Variants in KBTBD12 observed in about 807,000 individuals in gnomAD.
KBTBD12 encodes kelch repeat and BTB domain containing 12, also known as kelch repeat and BTB domain-containing protein 12.
KBTBD12 carries 53 observed loss-of-function variants against 58.7 expected under a neutral mutation model. The observed-to-expected ratio is 0.90, with a 90% CI of 0.72 to 1.14. The LOEUF is 1.14. KBTBD12 is among the 50% of genes most tolerant of loss of function. The pLI, the probability that KBTBD12 is intolerant of heterozygous loss-of-function variation, is 0.00. For synonymous variants in KBTBD12, 236 were observed against 259.8 expected (o/e 0.91, Z 0.88); for missense variants, 704 against 751.3 (o/e 0.94, Z 0.74).
At chr3:127,974,917 A>G (rs1358206655) in intron 5 of KBTBD12, among the ~76,000 whole-genome samples, 1 of 152,110 alleles carries the variant, frequency 6.6e-6, no homozygotes, top group Non-Finnish European at 1.5e-5. Flanking sequence ...AGCTTGCAGT[A>G]ATCCAAGATC....
At chr3:127,957,699 A>T (rs1940346833) in intron 4 of KBTBD12, among the ~76,000 whole-genome samples, 3 of 152,130 alleles carry the variant, frequency 2.0e-5, no homozygotes, top group Admixed American at 2.0e-4. Flanking sequence ...ATGAGTAAGG[A>T]GCTGACCCAC....
At chr3:127,950,612 T>C (rs1403850555) in intron 4 of KBTBD12, among the ~76,000 whole-genome samples, 1 of 152,088 alleles carries the variant, frequency 6.6e-6, no homozygotes, top group Non-Finnish European at 1.5e-5. Context: ...GACCCAGCGA[T>C]GAAAGATGCG....
intron 4 of KBTBD12, among the ~76,000 whole-genome samples, chr3:127,957,096 ATCTT>A (rs1362597283): frequency 6.6e-6 from 1 of 152,200 alleles, no homozygotes; most frequent in Non-Finnish European, 1.5e-5. Flanking sequence ...AATATGTACT[ATCTT>A]TCTTCCTTTA....
At chr3:127,961,950 CA>C (rs1305449128) in intron 4 of KBTBD12, among the ~76,000 whole-genome samples, 1 of 152,198 alleles carries the variant, frequency 6.6e-6, no homozygotes, top group Non-Finnish European at 1.5e-5. Flanking sequence ...GCCATGAGAT[CA>C]AAGCAGAGTT....
At chr3:127,931,882 A>G (rs745738334) in intron 4 of KBTBD12, among the ~76,000 whole-genome samples, 40 of 152,116 alleles carry the variant, frequency 2.6e-4, no homozygotes, top group Non-Finnish European at 4.7e-4. Context: ...AGTAGAGGAT[A>G]AAAGAAGGTA....
In KBTBD12 at chr3:127,984,495, G is replaced by A; in HGVS notation, c.*217G>A. 5 of 456,936 alleles carry A rather than the reference G, an allele frequency of 1.1e-5. No individual in the cohort carries two copies. In the South Asian group the frequency reaches 1.5e-4, roughly 14 times the overall value. The allele number at this position is 456,936 out of a possible 1,614,324, so 28.3% of individuals were successfully genotyped here. ...GGTAAATAAGACACTACAAAGAAGAGGTGATGACGGCCACAGGAGGGGCAC... is the reference window on the plus strand; with the variant it reads ...GGTAAATAAGACACTACAAAGAAGAAGTGATGACGGCCACAGGAGGGGCAC... On this transcript the variant is annotated 3_prime_UTR_variant, in exon 6 of 6. Transcript: ENST00000405109.
At chr3:127,930,895 CT>C (rs1939686313) in intron 4 of KBTBD12, among the ~76,000 whole-genome samples, 1 of 152,148 alleles carries the variant, frequency 6.6e-6, no homozygotes, top group Non-Finnish European at 1.5e-5. Context: ...TATGTATCCC[CT>C]ATCCTTCTCC....
At position 127,923,089 on chromosome 3, in the gene KBTBD12, A is replaced by G; in HGVS notation, c.28A>G (p.Lys10Glu). 1.9e-6 allele frequency: 3 copies of G among 1,609,726 alleles called. No individual in the cohort carries two copies. The highest frequency in any genetic ancestry group is 2.6e-6 in the Non-Finnish European group (3 of 1,176,396). Residue 10 changes from lysine (K) to glutamate (E), a missense_variant, in exon 2 of 6, where the codon AAA becomes GAA. Coordinates refer to ENST00000405109, the MANE Select transcript of KBTBD12 (RefSeq NM_207335.4). MECKIEGKE[K>E]YQHSLNLLNK... is the part of the protein sequence containing the mutation. ...GGAGTGCAAGATTGAGGGAAAAGAA[A>G]AATACCAACATAGCTTGAATTTACT...
intron 4 of KBTBD12, among the ~76,000 whole-genome samples, chr3:127,943,111 A>G (rs1178306894): frequency 6.6e-6 from 1 of 152,164 alleles, no homozygotes; most frequent in Non-Finnish European, 1.5e-5. Context: ...CACATTGGGG[A>G]TCAAATTTCA....
chr3:127,984,552 T>C lies in KBTBD12; in HGVS notation c.*274T>C. The C allele has an allele frequency of 3.1e-6, 1 of 322,486 alleles. No homozygotes were observed. Among genetic ancestry groups the C allele is most frequent in the Non-Finnish European group, 5.8e-6 (1 of 172,506 alleles). The allele number at this position is 322,486 out of a possible 1,614,324, so 20.0% of individuals were successfully genotyped here. Reference sequence around the variant, plus strand: ...ACAGGAGAGCAGCAGAGGGAGGGTCTCACTCTGCTGGGGACCCATGAACAG... The same window carrying C: ...ACAGGAGAGCAGCAGAGGGAGGGTCCCACTCTGCTGGGGACCCATGAACAG... On this transcript the variant is annotated 3_prime_UTR_variant, in exon 6 of 6. Coordinates refer to ENST00000405109, the MANE Select transcript of KBTBD12 (RefSeq NM_207335.4).
intron 1 of KBTBD12, among the ~76,000 whole-genome samples, chr3:127,915,924 C>T (rs1283034078): frequency 2.0e-5 from 3 of 152,236 alleles, no homozygotes; most frequent in African/African-American, 7.2e-5. Context: ...GGGGCACTTC[C>T]CTGTTCCTGG....
At chr3:127,954,592 C>T (rs142243380) in intron 4 of KBTBD12, among the ~76,000 whole-genome samples, 14 of 152,210 alleles carry the variant, frequency 9.2e-5, no homozygotes, top group Non-Finnish European at 1.2e-4. Flanking sequence ...GGATTTCCAT[C>T]AAGTGTTCTT....
At chr3:127,966,474 G>A (rs978224870) in intron 5 of KBTBD12, among the ~76,000 whole-genome samples, 5 of 151,992 alleles carry the variant, frequency 3.3e-5, no homozygotes, top group African/African-American at 1.2e-4. Flanking sequence ...CAATAGAACA[G>A]GAAAAGGATA....
chr3:127,937,547 G>A (rs1939856222), intron 4 of KBTBD12, among the ~76,000 whole-genome samples: 1 of 152,052 alleles, frequency 6.6e-6, no homozygotes, highest in Admixed American at 6.6e-5. Flanking sequence ...TAGAAGAAAA[G>A]TTAAAATAGA....
chr3:127,924,079 G>C lies in KBTBD12; in HGVS notation c.1018G>C (p.Ala340Pro), dbSNP rs772323719. 16 of 1,613,608 alleles carry C rather than the reference G, an allele frequency of 9.9e-6. No homozygotes were observed. Among genetic ancestry groups the C allele is most frequent in the Non-Finnish European group, 1.2e-5 (14 of 1,179,666 alleles). ...TAATACTATAATTGTGGCTGGAGAA[G>C]CAAGTGCCTCTAAACTCTCTAGACA... ...ENNTIIVAGE[A>P]SASKLSRQKN... is the part of the protein sequence containing the mutation. Residue 340 changes from alanine to proline, a missense_variant, in exon 2 of 6, where the codon GCA (alanine) becomes CCA (proline). Ala to Pro is a conservative substitution (Grantham distance 27, BLOSUM62 -1). Transcript: ENST00000405109.
intron 5 of KBTBD12, among the ~76,000 whole-genome samples, chr3:127,963,881 T>A (rs772711060): frequency 6.6e-6 from 1 of 152,196 alleles, no homozygotes; most frequent in Non-Finnish European, 1.5e-5. Context: ...TTGGGTTTTA[T>A]CTGATCAAGA....
rs943042786 is a variant in KBTBD12, at chr3:127,979,218, C to A, written c.1691-4879C>A. ...ATATAATCCAAAATTACTTGACTTA[C>A]CAGGAACCAAGAAAATATCAGATCA... is the stretch of plus-strand genomic sequence containing the variant. On this transcript the variant is annotated intron_variant, in intron 5 of 5. Coordinates refer to ENST00000405109, the MANE Select transcript of KBTBD12 (RefSeq NM_207335.4). Among the ~76,000 whole-genome samples, 5 of 152,280 alleles carry A rather than the reference C, an allele frequency of 3.3e-5. No individual in the cohort carries two copies. The East Asian group carries it at 7.7e-4, about 23-fold the overall frequency.
chr3:127,962,197 CCG>C (rs1491500080), intron 4 of KBTBD12, among the ~76,000 whole-genome samples: 2 of 152,216 alleles, frequency 1.3e-5, no homozygotes, highest in African/African-American at 4.8e-5. Flanking sequence ...GTCCCTCCTT[CCG>C]GGGGGTTTAC....
rs373612544 is a variant in KBTBD12, at chr3:127,923,419, T to C, written c.358T>C (p.Cys120Arg). The C allele has an allele frequency of 1.9e-5, 31 of 1,612,828 alleles. No individual in the cohort carries two copies. The highest frequency in any genetic ancestry group is 2.5e-5 in the Non-Finnish European group (29 of 1,179,794). ...FMQMEEVFSV[C>R]QKYMMDHMDA... is the part of the protein sequence containing the mutation. ...GCAGATGGAAGAAGTCTTCAGTGTG[T>C]GTCAAAAATATATGATGGACCACAT... is the stretch of plus-strand genomic sequence containing the variant. The change falls in exon 2 of 6, where the codon TGT becomes CGT. Residue 120 changes from cysteine to arginine, a missense_variant. By Grantham distance (180) the Cys-to-Arg change is radical (BLOSUM62 -3). Transcript: ENST00000405109.
Sources: gnomAD v4.1 joint callset for allele counts (sites outside exome capture counted in the v4.1 genomes callset) on GRCh38, gnomAD v4.1.1 for gene constraint, MANE v1.5 for transcripts, NCBI Gene and HGNC (gene_info 2026-07-23, HGNC 2026-07-21) for gene names.